The following KCNJ15 variants were observed in gnomAD, a reference collection of about 807,000 sequenced individuals.
The protein encoded by KCNJ15 is ATP-sensitive inward rectifier potassium channel 15.
Under a neutral mutation model 23.0 loss-of-function variants are expected in KCNJ15, and 14 were observed. The ratio of observed to expected loss-of-function variants is 0.61; its 90% confidence interval spans 0.40 to 0.95. The LOEUF (loss-of-function observed/expected upper bound fraction) is 0.95, where lower values mean the gene tolerates loss of function less well. KCNJ15 is among the 40% of genes least tolerant of loss of function. The pLI, the probability that KCNJ15 is intolerant of heterozygous loss-of-function variation, is 0.00. For synonymous variants in KCNJ15, 185 were observed against 183.2 expected, an observed-to-expected ratio of 1.01 and a Z score of -0.08; for missense variants, 388 against 461.8, an observed-to-expected ratio of 0.84 and a Z score of 1.46.
In KCNJ15 at chr21:38,299,174, A is replaced by G; in HGVS notation, c.-18-70A>G. The G allele has an allele frequency of 8.5e-7, 1 of 1,181,148 alleles. No homozygotes were observed. Among genetic ancestry groups the G allele is most frequent in the Non-Finnish European group, 1.2e-6 (1 of 823,914 alleles). The allele number at this position is 1,181,148 out of a possible 1,614,324, so 73.2% of individuals were successfully genotyped here. A position where few individuals can be genotyped will look rare whatever the true frequency, so the allele number is the denominator to read the frequency against. On this transcript the variant is annotated intron_variant, in intron 2 of 2. Coordinates refer to ENST00000398938, the MANE Select transcript of KCNJ15 (RefSeq NM_170736.3). This position sits in a 1 kb window ranked among gnomAD's most constrained non-coding sequence, Gnocchi z 4.5. ...CCATGTACATTCATACTTACTTCAC[A>G]TGATGATTCTATTTTCTGGAAGTTC...
At chr21:38,281,755 G>GAATGATATAGTTTCCTTTGGT (rs374609518) in intron 1 of KCNJ15, among the ~76,000 whole-genome samples, 2,487 of 152,236 alleles carry the variant, frequency 0.016, 88 homozygotes, top group African/African-American at 0.058. Flanking sequence ...TCTTTTGGTA[G>GAATGATATAGTTTCCTTTGGT]AATGATATAG....
intron 1 of KCNJ15, among the ~76,000 whole-genome samples, chr21:38,247,521 G>C (rs1307052257): frequency 1.7e-5 from 2 of 118,418 alleles, no homozygotes; most frequent in African/African-American, 6.5e-5. Flanking sequence ...TAGATGCATA[G>C]GTGGATGGAT....
upstream of KCNJ15, chr21:38,256,892 C>G (rs1313949651): frequency 5.3e-5 from 8 of 151,052 alleles, no homozygotes; most frequent in African/African-American, 2.0e-4. Context: ...CTCTCTGTCT[C>G]TCACTTTCTC....
intron 1 of KCNJ15, among the ~76,000 whole-genome samples, chr21:38,261,089 A>G (rs75085197): frequency 2.3e-5 from 2 of 85,782 alleles, no homozygotes; most frequent in African/African-American, 1.0e-4. Flanking sequence ...ACTGCAGGGG[A>G]GGAATGCAAT....
intron 1 of KCNJ15, among the ~76,000 whole-genome samples, chr21:38,247,105 G>C (rs200903193): frequency 4.1e-4 from 36 of 88,322 alleles, no homozygotes; most frequent in Non-Finnish European, 5.3e-4. Flanking sequence ...TGGATGCATG[G>C]ATGGATGGAT....
In KCNJ15 at chr21:38,267,295, C is replaced by G. The variant is rs547549399; in HGVS notation, c.-117+10110C>G. On this transcript the variant is annotated intron_variant, in intron 1 of 2. Coordinates refer to ENST00000398938, the MANE Select transcript of KCNJ15 (RefSeq NM_170736.3). ...GAGTCAGTTCTGGACTGCTCTCATT[C>G]CAGGAGATGTTGGAAACAGAGACTG... is the stretch of plus-strand genomic sequence containing the variant. 14 of 152,224 alleles carry G rather than the reference C, an allele frequency of 9.2e-5. No individual in the cohort carries two copies. In the East Asian group the frequency reaches 2.1e-3, roughly 23 times the overall value. The allele number at this position is 152,224 out of a possible 1,614,324, so 9.4% of individuals were successfully genotyped here.
chr21:38,298,704 GT>G (rs1469087256), intron 2 of KCNJ15, among the ~76,000 whole-genome samples: 1 of 152,152 alleles, frequency 6.6e-6, no homozygotes, highest in Non-Finnish European at 1.5e-5. Context: ...ATCAAGAACT[GT>G]TTCATGGATG....
chr21:38,252,917 A>G (rs1979931900), upstream of KCNJ15, among the ~76,000 whole-genome samples: 1 of 152,168 alleles, frequency 6.6e-6, no homozygotes, highest in Non-Finnish European at 1.5e-5. Flanking sequence ...CCCTACCACC[A>G]TCTTCATAAG....
Position 38,300,354 on chromosome 21 carries a change from C to CA in KCNJ15, c.1093_1094insA (p.Leu365HisfsTer44). The CA allele has an allele frequency of 6.2e-7, 1 of 1,613,486 alleles. No homozygotes were observed. The highest frequency in any genetic ancestry group is 8.5e-7 in the Non-Finnish European group (1 of 1,179,654). ...GCAGGAGGATCAGAGGGAAAGAGAA[C>CA]TGAGGACACTTTTATTACAACAGAG... On this transcript the variant is annotated frameshift_variant, in exon 3 of 3. Coordinates refer to ENST00000398938, the MANE Select transcript of KCNJ15 (RefSeq NM_170736.3). LOFTEE classifies it high-confidence loss of function.
At chr21:38,247,535 T>C (rs1979519606) in intron 1 of KCNJ15, among the ~76,000 whole-genome samples, 1 of 132,276 alleles carries the variant, frequency 7.6e-6, no homozygotes, top group Non-Finnish European at 1.5e-5. Flanking sequence ...GATGGATGGA[T>C]GGATGGATGG....
chr21:38,243,524 C>G (rs1160289583), intron 1 of KCNJ15, among the ~76,000 whole-genome samples: 1 of 152,154 alleles, frequency 6.6e-6, no homozygotes, highest in Non-Finnish European at 1.5e-5. Context: ...CAGGTTCAAG[C>G]TATTCTCCTG....
intron 1 of KCNJ15, among the ~76,000 whole-genome samples, chr21:38,293,534 C>T (rs1430820257): frequency 6.6e-6 from 1 of 152,158 alleles, no homozygotes; most frequent in Non-Finnish European, 1.5e-5. Flanking sequence ...ACAGCTCTAC[C>T]AATAGTTTCC....
chr21:38,278,078 C>CA (rs1982922410), intron 1 of KCNJ15, among the ~76,000 whole-genome samples: 1 of 152,196 alleles, frequency 6.6e-6, no homozygotes. Context: ...TATTGAGACA[C>CA]AATGACGTTC....
chr21:38,232,758 T>A lies in KCNJ15; in HGVS notation c.-398-24288T>A, dbSNP rs553265893. 3.3e-4 allele frequency among the ~76,000 whole-genome samples: 50 copies of A among 152,058 alleles called. 1 individual carries two copies. The South Asian group carries it at 9.5e-3, about 29-fold the overall frequency. ...TAATTTCCAAATATTTATACATTTT[T>A]AAAATTTTATTCTATTATTAATTTC... On this transcript the variant is annotated intron_variant, in intron 1 of 4. Coordinates refer to the KCNJ15 transcript ENST00000547341.
intron 1 of KCNJ15, among the ~76,000 whole-genome samples, chr21:38,281,980 A>T (rs78363563): frequency 0.017 from 2,511 of 151,660 alleles, 89 homozygotes; most frequent in African/African-American, 0.058. Context: ...TGAGATGATA[A>T]CTCTTCGTGG....
chr21:38,246,344 C>G (rs889826064), intron 1 of KCNJ15, among the ~76,000 whole-genome samples: 8 of 152,180 alleles, frequency 5.3e-5, no homozygotes, highest in Non-Finnish European at 1.2e-4. Flanking sequence ...CAATTTCAAT[C>G]AGATCCAGGA....
intron 1 of KCNJ15, among the ~76,000 whole-genome samples, chr21:38,263,297 G>A (rs895642684): frequency 1.3e-5 from 2 of 152,140 alleles, no homozygotes; most frequent in African/African-American, 4.8e-5. Flanking sequence ...TCAGAAGGCA[G>A]GAGGGAGTGT....
At position 38,303,604 on chromosome 21, in the gene KCNJ15, G is replaced by A. The variant is rs760411084; in HGVS notation, c.*3215G>A. On this transcript the variant is annotated 3_prime_UTR_variant, in exon 3 of 3. Coordinates refer to ENST00000398938, the MANE Select transcript of KCNJ15 (RefSeq NM_170736.3). ...TGGGGAAATTACAACACAACGCAGAGTGTCCAGAAATCTAAAGAGCTGGTT... is the reference window on the plus strand; with the variant it reads ...TGGGGAAATTACAACACAACGCAGAATGTCCAGAAATCTAAAGAGCTGGTT... 7 of 151,860 alleles carry A rather than the reference G, an allele frequency of 4.6e-5. No homozygotes were observed. Among genetic ancestry groups the A allele is most frequent in the Non-Finnish European group, 8.8e-5 (6 of 67,976 alleles). 9.4% of individuals were successfully genotyped at this position (151,860 alleles called of 1,614,324 possible).
rs958527446 is a variant in KCNJ15 at position 38,301,508 on chromosome 21, C to G, written c.*1119C>G. 1 of 167,044 alleles carries G rather than the reference C, an allele frequency of 6.0e-6. No individual in the cohort carries two copies. The highest frequency in any genetic ancestry group is 2.4e-5 in the African/African-American group (1 of 41,440). 10.3% of individuals were successfully genotyped at this position (167,044 alleles called of 1,614,324 possible). ...GAGAGTAATTGTTGTCTCAGTCATG[C>G]TTGCTGATTACAGTTAGCACAAAAG... On this transcript the variant is annotated 3_prime_UTR_variant, in exon 3 of 3. Transcript: ENST00000398938.
Sources: gnomAD v4.1 joint callset for allele counts (sites outside exome capture counted in the v4.1 genomes callset) on GRCh38, gnomAD v4.1.1 for gene constraint, Gnocchi (gnomAD v3.1) non-coding constraint, MANE v1.5 for transcripts, NCBI Gene and HGNC (gene_info 2026-07-23, HGNC 2026-07-21) for gene names.